The following PI4K2B variants were observed in gnomAD, a reference collection of about 807,000 sequenced individuals.
PI4K2B encodes the protein phosphatidylinositol 4-kinase type 2-beta.
In PI4K2B, 46 loss-of-function variants were observed where a neutral mutation model predicts 56.6. The ratio of observed to expected loss-of-function variants is 0.81; its 90% CI spans 0.64 to 1.04. The LOEUF (loss-of-function observed/expected upper bound fraction) is 1.04, where lower values mean the gene tolerates loss of function less well. PI4K2B is among the 50% of genes least tolerant of loss of function. The probability of loss-of-function intolerance (pLI) is 0.00; values close to 1 mark genes in which losing one functional copy is unlikely to be tolerated. For missense variants in PI4K2B, 556 were observed against 607.7 expected (o/e 0.91, Z 0.89); for synonymous variants, 211 against 223.8 (o/e 0.94, Z 0.51).
At chr4:25,245,607 G>A (rs1715730245) in intron 1 of PI4K2B, among the ~76,000 whole-genome samples, 1 of 152,174 alleles carries the variant, frequency 6.6e-6, no homozygotes, top group African/African-American at 2.4e-5. Flanking sequence ...GAAAGCCTGA[G>A]ACCCGTGTCT....
At position 25,277,032 on chromosome 4, in the gene PI4K2B, G is replaced by A. The variant is rs2109028746; in HGVS notation, c.1291G>A (p.Ala431Thr). 1.3e-6 allele frequency: 2 copies of A among 1,596,422 alleles called. No homozygotes were observed. Among genetic ancestry groups the A allele is most frequent in the Non-Finnish European group, 1.7e-6 (2 of 1,167,420 alleles). ...CCCACAGATCTTAAACCTTACTCAG[G>A]CATTGAGAGACGGGAAGAGTCCTTT... ...MRGQILNLTQ[A>T]LRDGKSPFQL... The change falls in exon 10 of 10, where the codon GCA becomes ACA. Residue 431 changes from alanine to threonine, a missense_variant. Physicochemically the swap from Ala to Thr is moderately conservative, Grantham distance 58. Transcript: ENST00000264864.
At chr4:25,237,337 T>C (rs1172418671) in intron 1 of PI4K2B, among the ~76,000 whole-genome samples, 1 of 11,616 alleles carries the variant, frequency 8.6e-5, no homozygotes, top group African/African-American at 3.1e-4. Context: ...GTGAGTACTA[T>C]TTTTGTTTTT....
chr4:25,250,825 A>T (rs968879840), intron 1 of PI4K2B, among the ~76,000 whole-genome samples: 9 of 152,308 alleles, frequency 5.9e-5, no homozygotes, highest in Admixed American at 5.2e-4. Context: ...GAAGGAATGG[A>T]GATGGCAAGA....
chr4:25,236,378 C>G (rs1715264075), intron 1 of PI4K2B, among the ~76,000 whole-genome samples: 1 of 152,026 alleles, frequency 6.6e-6, no homozygotes, highest in Non-Finnish European at 1.5e-5. Flanking sequence ...TGGTGAAACC[C>G]TGCCTCTACT....
intron 9 of PI4K2B, among the ~76,000 whole-genome samples, chr4:25,270,027 T>G (rs1162823348): frequency 6.6e-6 from 1 of 152,124 alleles, no homozygotes; most frequent in African/African-American, 2.4e-5. Flanking sequence ...AACTTAGGTA[T>G]TTTTGACCTT....
At chr4:25,254,289 A>C (rs557173696) in intron 2 of PI4K2B, 1 of 290,176 alleles carries the variant, frequency 3.4e-6, no homozygotes, top group African/African-American at 2.3e-5. Context: ...GCCTTATTAG[A>C]ATGTACATTA....
intron 1 of PI4K2B, among the ~76,000 whole-genome samples, chr4:25,242,641 G>T (rs1438036718): frequency 6.6e-6 from 1 of 152,240 alleles, no homozygotes; most frequent in East Asian, 1.9e-4. Flanking sequence ...CAGAATTGGG[G>T]TGTTGCAGGG....
chr4:25,277,946 A>G lies in PI4K2B; in HGVS notation c.*759A>G, dbSNP rs770779329. ...TTAAAAATTCCCTTCTGTTTCTTACATGGGATCAAATACTTGAGATTAGTA... is the reference window on the plus strand; with the variant it reads ...TTAAAAATTCCCTTCTGTTTCTTACGTGGGATCAAATACTTGAGATTAGTA... On this transcript the variant is annotated 3_prime_UTR_variant, in exon 10 of 10. Coordinates refer to ENST00000264864, the MANE Select transcript of PI4K2B (RefSeq NM_018323.4). 14 of 152,202 alleles carry G rather than the reference A, an allele frequency of 9.2e-5. No individual in the cohort carries two copies. The highest frequency in any genetic ancestry group is 3.3e-4 in the Admixed American group (5 of 15,284). The allele number at this position is 152,202 out of a possible 1,614,324, so 9.4% of individuals were successfully genotyped here.
rs1038299327 is a variant in PI4K2B at position 25,245,381 on chromosome 4, G to C, written c.269-6940G>C. Among the ~76,000 whole-genome samples the C allele has an allele frequency of 2.0e-5, 3 of 152,178 alleles. No homozygotes were observed. The South Asian group carries it at 6.2e-4, about 32-fold the overall frequency. ...AGGGGGTAAGGGTCAGGATAGATAGGATAGATGGGCAAATCTCGCTTGGGT... is the reference window on the plus strand; with the variant it reads ...AGGGGGTAAGGGTCAGGATAGATAGCATAGATGGGCAAATCTCGCTTGGGT... On this transcript the variant is annotated intron_variant, in intron 1 of 9. Transcript: ENST00000264864.
At chr4:25,268,686 T>C in intron 8 of PI4K2B, 110 bp downstream of exon 8, 1 of 694,916 alleles carries the variant, frequency 1.4e-6, no homozygotes. Context: ...CTGCTTGCCA[T>C]AAAACCTGAC....
chr4:25,245,173 G>A (rs565087556), intron 1 of PI4K2B, among the ~76,000 whole-genome samples: 126 of 152,198 alleles, frequency 8.3e-4, no homozygotes, highest in African/African-American at 2.8e-3. Context: ...ATGGGGCTTC[G>A]GGCAAAAATT....
At chr4:25,272,161 G>A (rs999409000) in intron 9 of PI4K2B, among the ~76,000 whole-genome samples, 5 of 151,604 alleles carry the variant, frequency 3.3e-5, no homozygotes, top group African/African-American at 4.8e-5. Flanking sequence ...AAAAAAGCCT[G>A]TCTAAGAAGG....
At chr4:25,267,696 T>A in intron 7 of PI4K2B, 9 of 790,896 alleles carry the variant, frequency 1.1e-5, no homozygotes, top group Non-Finnish European at 1.4e-5. Flanking sequence ...ATGCACCCTC[T>A]CTAGAAGATT....
chr4:25,266,375 G>A (rs1178338582), intron 7 of PI4K2B, among the ~76,000 whole-genome samples: 1 of 152,142 alleles, frequency 6.6e-6, no homozygotes, highest in Non-Finnish European at 1.5e-5. Flanking sequence ...TTTTAGATAT[G>A]TGACTTATGA....
At chr4:25,276,812 TGTGTGCGC>T in intron 9 of PI4K2B, 194 bp from the exon 10 acceptor site, 3 of 798,732 alleles carry the variant, frequency 3.8e-6, no homozygotes, top group Non-Finnish European at 4.5e-6. Flanking sequence ...TGTGTGTGTG[TGTGTGCGC>T]GTGTGTGTGT....
intron 1 of PI4K2B, among the ~76,000 whole-genome samples, chr4:25,251,116 A>G (rs981206167): frequency 2.0e-5 from 3 of 152,214 alleles, no homozygotes; most frequent in African/African-American, 7.2e-5. Context: ...GCAGAAGTCC[A>G]GGCTTGAATT....
chr4:25,255,313 C>G (rs780884990), intron 3 of PI4K2B, 48 bp downstream of exon 3: 2 of 1,433,266 alleles, frequency 1.4e-6, no homozygotes, highest in African/African-American at 2.8e-5. Flanking sequence ...TTACAACCTG[C>G]TTATATCTGA....
intron 9 of PI4K2B, among the ~76,000 whole-genome samples, chr4:25,272,053 G>A (rs1014186182): frequency 6.6e-6 from 1 of 152,082 alleles, no homozygotes; most frequent in Non-Finnish European, 1.5e-5. Flanking sequence ...GAGGCAGGAG[G>A]ATCACTTGAG....
At chr4:25,246,353 CA>C (rs1310760769) in intron 1 of PI4K2B, among the ~76,000 whole-genome samples, 4 of 152,122 alleles carry the variant, frequency 2.6e-5, no homozygotes, top group African/African-American at 9.7e-5. Flanking sequence ...TCCGTTTTGA[CA>C]GGGTGCTGAT....
Sources: gnomAD v4.1 joint callset for allele counts (sites outside exome capture counted in the v4.1 genomes callset) on GRCh38, gnomAD v4.1.1 for gene constraint, MANE v1.5 for transcripts, NCBI Gene and HGNC (gene_info 2026-07-23, HGNC 2026-07-21) for gene names.